The following METTL8 variants were observed in gnomAD, a reference collection of about 807,000 sequenced individuals.
The protein encoded by METTL8 is tRNA N(3)-cytidine methyltransferase METTL8, mitochondrial.
A neutral mutation model predicts 48.7 loss-of-function variants in METTL8; 32 were observed. The ratio of observed to expected loss-of-function variants is 0.66; its 90% CI spans 0.50 to 0.88. The LOEUF is 0.88. Ranked by LOEUF, METTL8 falls within the 40% of genes least tolerant of loss-of-function variation. The probability of loss-of-function intolerance (pLI) is 0.00; values close to 1 mark genes in which losing one functional copy is unlikely to be tolerated. For synonymous variants in METTL8, 136 were observed against 157.1 expected (o/e 0.87, Z 1.01); for missense variants, 464 against 474.4 (o/e 0.98, Z 0.20).
intron 2 of METTL8, among the ~76,000 whole-genome samples, chr2:171,380,944 A>G (rs955158507): frequency 1.3e-5 from 2 of 152,240 alleles, no homozygotes; most frequent in Non-Finnish European, 2.9e-5. Context: ...TAGCTAAGAC[A>G]ATCCTAACCA....
rs1473598210 is a variant in METTL8, at chr2:171,355,085, C to T, written c.235+5337G>A. 2.0e-5 allele frequency among the ~76,000 whole-genome samples: 3 copies of T among 152,304 alleles called. No homozygotes were observed. The East Asian group carries it at 5.8e-4, about 29-fold the overall frequency. On this transcript the variant is annotated intron_variant, in intron 3 of 9. Transcript: ENST00000375258. ...TTCAGCTTTTCTGCTCTGGTTTCTT[C>T]CCATCTTTGTGGTTTTATCTACCTT...
At chr2:171,426,816 T>TTA (rs963651598) in intron 1 of METTL8, among the ~76,000 whole-genome samples, 2 of 152,196 alleles carry the variant, frequency 1.3e-5, no homozygotes, top group African/African-American at 2.4e-5. Context: ...AAGTGGTCTC[T>TTA]TATATTTCAC....
chr2:171,422,574 G>T (rs1235812127), intron 1 of METTL8, among the ~76,000 whole-genome samples: 1 of 152,078 alleles, frequency 6.6e-6, no homozygotes, highest in Admixed American at 6.6e-5. Context: ...TTATGATGAA[G>T]AATTGTTACG....
chr2:171,425,652 C>T (rs1408332724), intron 1 of METTL8, among the ~76,000 whole-genome samples: 2 of 152,188 alleles, frequency 1.3e-5, no homozygotes, highest in African/African-American at 4.8e-5. Context: ...CCCAGGCTGA[C>T]ACCATAATTT....
chr2:171,430,968 T>C (rs1392397373), intron 1 of METTL8, among the ~76,000 whole-genome samples: 1 of 152,154 alleles, frequency 6.6e-6, no homozygotes, highest in African/African-American at 2.4e-5. Context: ...CCAATCAGCA[T>C]GCACTTCCCC....
chr2:171,378,604 C>T (rs960425881), intron 2 of METTL8, among the ~76,000 whole-genome samples: 4 of 151,886 alleles, frequency 2.6e-5, no homozygotes, highest in African/African-American at 9.7e-5. Context: ...GCACTCCAGC[C>T]TGGGTGACAG....
intron 1 of METTL8, among the ~76,000 whole-genome samples, chr2:171,405,087 G>A (rs1456411249): frequency 6.6e-6 from 1 of 152,176 alleles, no homozygotes; most frequent in Non-Finnish European, 1.5e-5. Flanking sequence ...AGGCAAAAAG[G>A]CTAGATAATG....
intron 3 of METTL8, among the ~76,000 whole-genome samples, chr2:171,353,143 T>C (rs71631575): frequency 1.3e-5 from 2 of 152,224 alleles, no homozygotes; most frequent in Admixed American, 6.5e-5. Flanking sequence ...GCTTTAAATG[T>C]GTCCCAGAGA....
intron 1 of METTL8, among the ~76,000 whole-genome samples, chr2:171,432,633 T>C (rs1330462039): frequency 6.6e-6 from 1 of 152,178 alleles, no homozygotes; most frequent in East Asian, 1.9e-4. Context: ...TACAAAGCAC[T>C]CTACCGTATG....
chr2:171,333,096 TTTTC>T (rs1310947332), intron 5 of METTL8, among the ~76,000 whole-genome samples: 1 of 127,234 alleles, frequency 7.9e-6, no homozygotes, highest in Non-Finnish European at 1.8e-5. Context: ...TTTTTTTTTC[TTTTC>T]TTTTTTTTTT....
intron 5 of METTL8, among the ~76,000 whole-genome samples, chr2:171,333,833 C>G (rs964245085): frequency 4.6e-5 from 7 of 152,120 alleles, no homozygotes; most frequent in African/African-American, 1.7e-4. Flanking sequence ...GTTGCTTAAT[C>G]TCTTCTTTAA....
At chr2:171,413,454 C>A (rs1431214505) in intron 1 of METTL8, among the ~76,000 whole-genome samples, 1 of 152,058 alleles carries the variant, frequency 6.6e-6, no homozygotes, top group Non-Finnish European at 1.5e-5. Context: ...TGCCATTCTT[C>A]TAATATTTTT....
intron 1 of METTL8, among the ~76,000 whole-genome samples, chr2:171,414,880 G>A (rs1691138790): frequency 6.6e-6 from 1 of 152,066 alleles, no homozygotes; most frequent in South Asian, 2.1e-4. Flanking sequence ...GAATCATGGG[G>A]GCGGTTTCTC....
intron 2 of METTL8, among the ~76,000 whole-genome samples, chr2:171,389,969 G>A (rs1688436264): frequency 6.6e-6 from 1 of 152,172 alleles, no homozygotes; most frequent in African/African-American, 2.4e-5. Flanking sequence ...AGCCAGAAAG[G>A]AGAAGTCAAT....
chr2:171,334,737 G>A (rs1171069157), intron 5 of METTL8, among the ~76,000 whole-genome samples: 1 of 152,184 alleles, frequency 6.6e-6, no homozygotes, highest in Non-Finnish European at 1.5e-5. Flanking sequence ...GAGCTAAGAA[G>A]AAAGAGTTAG....
At chr2:171,326,296 T>C (rs1684950843) in intron 7 of METTL8, 148 bp from the exon 8 acceptor site, 2 of 547,796 alleles carry the variant, frequency 3.7e-6, no homozygotes, top group African/African-American at 2.0e-5. Context: ...AAAATAAAAA[T>C]ATTTTGTAAA....
At chr2:171,324,584 G>A (rs1180228104) in intron 9 of METTL8, among the ~76,000 whole-genome samples, 2 of 152,070 alleles carry the variant, frequency 1.3e-5, no homozygotes, top group Admixed American at 1.3e-4. Flanking sequence ...AGACTAACAC[G>A]GCAGACATCA....
intron 1 of METTL8, among the ~76,000 whole-genome samples, 164 bp downstream of exon 1, chr2:171,433,719 C>T (rs1293991906): frequency 6.6e-6 from 1 of 152,164 alleles, no homozygotes; most frequent in African/African-American, 2.4e-5. Flanking sequence ...AGTCAGTGTC[C>T]CCGCAGGCCA....
intron 8 of METTL8, 33 bp from the exon 9 acceptor site, chr2:171,325,939 G>T: frequency 1.4e-6 from 2 of 1,467,958 alleles, no homozygotes; most frequent in South Asian, 1.2e-5. Flanking sequence ...AAACTCTTAA[G>T]GGTATTCCTT....
Sources: allele counts gnomAD v4.1 joint callset (sites outside exome capture counted in the v4.1 genomes callset), GRCh38; gene constraint gnomAD v4.1.1; transcripts MANE v1.5; gene names NCBI Gene and HGNC (gene_info 2026-07-23, HGNC 2026-07-21).